The following DACH2 variants were observed in gnomAD, a reference collection of about 807,000 sequenced individuals.
DACH2 encodes dachshund homolog 2.
Under a neutral mutation model 35.8 loss-of-function variants are expected in DACH2, and 17 were observed. The observed-to-expected ratio is 0.48, with a 90% CI of 0.33 to 0.71. The LOEUF is 0.71. Ranked by LOEUF, DACH2 falls within the 30% of genes least tolerant of loss-of-function variation. The pLI is 0.02. For synonymous variants in DACH2, 195 were observed against 177.3 expected, an observed-to-expected ratio of 1.10 and a Z score of -0.79; for missense variants, 469 against 472.7, an observed-to-expected ratio of 0.99 and a Z score of 0.07.
At chrX:86,698,519 GTGTTTTTTTT>G (rs2041096156) in intron 5 of DACH2, among the ~76,000 whole-genome samples, 3 of 32,082 alleles carry the variant, frequency 9.4e-5, no homozygotes, top group Non-Finnish European at 1.6e-4. Flanking sequence ...TGTTAGTTTT[GTGTTTTTTTT>G]TTTTTTTTTT....
chrX:86,576,674 C>A (rs1252942552), intron 3 of DACH2, among the ~76,000 whole-genome samples: 1 of 111,010 alleles, frequency 9.0e-6, no homozygotes, highest in East Asian at 2.8e-4. Context: ...GCTTGTTCTC[C>A]AAATATCATG....
intron 2 of DACH2, among the ~76,000 whole-genome samples, chrX:86,457,078 AT>A (rs1569408209): frequency 2.7e-5 from 3 of 111,523 alleles, no homozygotes. Context: ...TTGTAGTCAA[AT>A]TTAGTTTTTA....
At chrX:86,311,074 G>A (rs947774298) in intron 1 of DACH2, among the ~76,000 whole-genome samples, 1 of 111,795 alleles carries the variant, frequency 8.9e-6, no homozygotes, top group Non-Finnish European at 1.9e-5. Context: ...CCTTGATATA[G>A]CACCATTCCT....
At chrX:86,762,915 T>A (rs1295368265) in intron 7 of DACH2, among the ~76,000 whole-genome samples, 2 of 111,910 alleles carry the variant, frequency 1.8e-5, no homozygotes, top group Non-Finnish European at 3.8e-5. Flanking sequence ...ATTCCTTCTA[T>A]TTTTTGTACG....
intron 2 of DACH2, among the ~76,000 whole-genome samples, chrX:86,498,154 CTAAA>C (rs1414254240): frequency 9.0e-6 from 1 of 111,371 alleles, no homozygotes; most frequent in African/African-American, 3.3e-5. Context: ...CACTGACTGA[CTAAA>C]TAAATGAAAT....
chrX:86,182,940 G>T (rs2031547305), intron 1 of DACH2, among the ~76,000 whole-genome samples: 1 of 111,597 alleles, frequency 9.0e-6, no homozygotes, highest in Non-Finnish European at 1.9e-5. Flanking sequence ...TGTAGCAATT[G>T]TGAATGGGAG....
intron 5 of DACH2, among the ~76,000 whole-genome samples, chrX:86,703,103 T>A (rs1217267222): frequency 3.6e-5 from 4 of 111,141 alleles, no homozygotes; most frequent in African/African-American, 1.3e-4. Flanking sequence ...AGTGATACAG[T>A]GATGGGTCAA....
In DACH2 at chrX:86,492,921, G is replaced by C. The variant is rs182628618; in HGVS notation, c.528-21358G>C. Among the ~76,000 whole-genome samples, 116 of 111,637 alleles carry C rather than the reference G, an allele frequency of 1.0e-3. 1 individual carries two copies. The highest frequency in any genetic ancestry group is 3.5e-3 in the African/African-American group (109 of 30,747). On this transcript the variant is annotated intron_variant, in intron 2 of 11. Transcript: ENST00000373125. ...ATGGTGCTGTGAGGAACATATGAGTGTATATGTATTTTTGGTAGAATGATT... is the reference window on the plus strand; with the variant it reads ...ATGGTGCTGTGAGGAACATATGAGTCTATATGTATTTTTGGTAGAATGATT...
At chrX:86,270,137 A>T (rs923124076) in intron 1 of DACH2, among the ~76,000 whole-genome samples, 4 of 106,496 alleles carry the variant, frequency 3.8e-5, no homozygotes, top group Non-Finnish European at 7.7e-5. Context: ...GTGGGGATAC[A>T]TGCAGATTGT....
At chrX:86,638,748 G>GA (rs1005248465) in intron 3 of DACH2, among the ~76,000 whole-genome samples, 1 of 111,200 alleles carries the variant, frequency 9.0e-6, no homozygotes, top group East Asian at 2.8e-4. Context: ...TTTTAAAAAG[G>GA]AAAAAAAGAT....
intron 1 of DACH2, among the ~76,000 whole-genome samples, chrX:86,170,480 T>G (rs1367259145): frequency 1.8e-5 from 2 of 112,291 alleles, no homozygotes; most frequent in African/African-American, 3.2e-5. Context: ...TGTCAGGGAT[T>G]CAGGTACTAC....
intron 1 of DACH2, among the ~76,000 whole-genome samples, chrX:86,180,134 A>G (rs2031429315): frequency 1.1e-5 from 1 of 93,742 alleles, no homozygotes; most frequent in Admixed American, 1.2e-4. Flanking sequence ...CATAATAATG[A>G]TAAACAATAC....
In DACH2 at chrX:86,514,305, G is replaced by T. The variant is rs748093037; in HGVS notation, c.554G>T (p.Arg185Leu). 1.2e-5 allele frequency: 14 copies of T among 1,209,114 alleles called. No homozygotes were observed. Among genetic ancestry groups the T allele is most frequent in the African/African-American group, 1.8e-5 (1 of 57,121 alleles). Residue 185 changes from arginine (R) to leucine (L), a missense_variant, in exon 3 of 12, where the codon CGT becomes CTT. Coordinates refer to ENST00000373125, the MANE Select transcript of DACH2 (RefSeq NM_053281.3). ...NSSRPGRPPK[R>L]SLGVLQENAR... The stretch of plus-strand genomic sequence containing the variant: ...TCAAGACCCGGCAGGCCCCCTAAGC[G>T]TTCTTTGGGAGTGTTGCAGGAAAAT...
intron 1 of DACH2, among the ~76,000 whole-genome samples, chrX:86,310,799 T>A (rs1196024372): frequency 1.8e-5 from 2 of 111,581 alleles, no homozygotes; most frequent in Admixed American, 1.9e-4. Context: ...TTGTATCCCA[T>A]GTGAATGCTC....
chrX:86,492,926 T>C (rs1004719551), intron 2 of DACH2, among the ~76,000 whole-genome samples: 2 of 111,742 alleles, frequency 1.8e-5, no homozygotes, highest in South Asian at 3.7e-4. Context: ...TGAGTGTATA[T>C]GTATTTTTGG....
chrX:86,583,804 T>C (rs2039534300), intron 3 of DACH2, among the ~76,000 whole-genome samples: 1 of 110,518 alleles, frequency 9.0e-6, no homozygotes, highest in Admixed American at 9.7e-5. Context: ...TGTATGTATA[T>C]ATTTGTAGAA....
chrX:86,710,251 A>G (rs924836145), intron 5 of DACH2, among the ~76,000 whole-genome samples: 4 of 112,181 alleles, frequency 3.6e-5, no homozygotes, highest in Admixed American at 9.5e-5. Context: ...TGCTAAGTGA[A>G]ACAAATCAGT....
chrX:86,385,881 T>C (rs1276246775), intron 2 of DACH2, among the ~76,000 whole-genome samples: 2 of 111,531 alleles, frequency 1.8e-5, no homozygotes, highest in African/African-American at 6.5e-5. Context: ...AATACGCTTT[T>C]ATTTTTAGGA....
intron 1 of DACH2, among the ~76,000 whole-genome samples, chrX:86,169,110 T>C (rs1020628371): frequency 9.0e-6 from 1 of 111,677 alleles, no homozygotes; most frequent in African/African-American, 3.3e-5. Context: ...CCCTCAGCTT[T>C]TGTTTGTCTG....
Sources: allele counts gnomAD v4.1 joint callset (sites outside exome capture counted in the v4.1 genomes callset), GRCh38; gene constraint gnomAD v4.1.1; transcripts MANE v1.5; gene names NCBI Gene and HGNC (gene_info 2026-07-23, HGNC 2026-07-21).